The following SEMA5A variants were observed in gnomAD, a reference collection of about 807,000 sequenced individuals.
SEMA5A encodes the protein semaphorin-5A.
A neutral mutation model predicts 135.5 loss-of-function variants in SEMA5A; 55 were observed. That is an observed-to-expected ratio of 0.41 (90% confidence interval 0.33 to 0.51). The LOEUF is 0.51. Ranked by LOEUF, SEMA5A falls within the 20% of genes least tolerant of loss-of-function variation. SEMA5A has a pLI of 0.37. For missense variants in SEMA5A, 1,290 were observed against 1,419.9 expected (o/e 0.91, Z 1.47); for synonymous variants, 580 against 546.5 (o/e 1.06, Z -0.85).
chr5:9,368,998 A>C (rs1237910895), intron 3 of SEMA5A, among the ~76,000 whole-genome samples: 1 of 152,206 alleles, frequency 6.6e-6, no homozygotes. Context: ...ATCATTATGC[A>C]TCATCATCCT....
At chr5:9,404,375 T>C (rs913999053) in intron 2 of SEMA5A, among the ~76,000 whole-genome samples, 42 of 152,322 alleles carry the variant, frequency 2.8e-4, no homozygotes, top group Middle Eastern at 3.4e-3. Context: ...TAAGAAGACA[T>C]CAATGATTTT....
At chr5:9,093,939 C>T (rs1258509705) in intron 16 of SEMA5A, among the ~76,000 whole-genome samples, 4 of 152,186 alleles carry the variant, frequency 2.6e-5, no homozygotes, top group Non-Finnish European at 1.5e-5. Flanking sequence ...TTGGCCGAGT[C>T]CTGCCCACAC....
chr5:9,335,922 G>C (rs1209079684), intron 4 of SEMA5A, among the ~76,000 whole-genome samples: 1 of 152,112 alleles, frequency 6.6e-6, no homozygotes, highest in African/African-American at 2.4e-5. Context: ...CACTTCCCTT[G>C]CCTTCTGGTA....
At chr5:9,223,709 A>T (rs1747134830) in intron 8 of SEMA5A, among the ~76,000 whole-genome samples, 3 of 152,244 alleles carry the variant, frequency 2.0e-5, no homozygotes, top group Non-Finnish European at 4.4e-5. Context: ...TGCTTGGGGC[A>T]ATGGATTACA....
chr5:9,273,863 C>CA (rs1307686235), intron 5 of SEMA5A, among the ~76,000 whole-genome samples: 2 of 152,214 alleles, frequency 1.3e-5, no homozygotes, highest in Admixed American at 1.3e-4. Flanking sequence ...AAGGAACAAC[C>CA]AGTACCAGCC....
At chr5:9,289,453 C>A (rs1229999507) in intron 5 of SEMA5A, among the ~76,000 whole-genome samples, 1 of 152,020 alleles carries the variant, frequency 6.6e-6, no homozygotes, top group Non-Finnish European at 1.5e-5. Flanking sequence ...ATCGCGAGGT[C>A]AGGAGATTGA....
At chr5:9,200,620 G>T (rs534526658) in intron 9 of SEMA5A, among the ~76,000 whole-genome samples, 159 of 152,338 alleles carry the variant, frequency 1.0e-3, no homozygotes, top group African/African-American at 3.7e-3. Context: ...CCACGGTGGA[G>T]CAAGGATATG....
At chr5:9,396,246 G>GCACACACACACACACACACA (rs147262677) in intron 2 of SEMA5A, among the ~76,000 whole-genome samples, 150 of 148,952 alleles carry the variant, frequency 1.0e-3, no homozygotes, top group Middle Eastern at 3.4e-3. Context: ...GCGCGTGCGT[G>GCACACACACACACACACACA]CACACACACA....
At chr5:9,400,023 C>A (rs1333311532) in intron 2 of SEMA5A, among the ~76,000 whole-genome samples, 1 of 152,186 alleles carries the variant, frequency 6.6e-6, no homozygotes, top group Non-Finnish European at 1.5e-5. Context: ...ATCTATGAAG[C>A]TGTGAACCAT....
chr5:9,515,343 C>T (rs959841729), intron 1 of SEMA5A, among the ~76,000 whole-genome samples: 5 of 152,154 alleles, frequency 3.3e-5, no homozygotes, highest in Admixed American at 6.5e-5. Flanking sequence ...ACTGTAAGTC[C>T]AACCATCTGA....
rs1262553633 is a variant in SEMA5A at position 9,044,474 on chromosome 5, C to T, written c.3004G>A (p.Asp1002Asn). ...GAGACGGGGTGGATGACAGTCGCAT[C>T]GTGGGATTGCTGCTGGTACCGCTGG... ...YCQRYQQQSH[D>N]ATVIHPVSPA... is the part of the protein sequence containing the mutation. Residue 1002 changes from aspartate to asparagine, a missense_variant, in exon 22 of 23, where the codon GAT (aspartate) becomes AAT (asparagine). Asp to Asn is a conservative substitution (Grantham distance 23). Transcript: ENST00000382496. 9 of 1,613,874 alleles carry T rather than the reference C, an allele frequency of 5.6e-6. No homozygotes were observed. Among genetic ancestry groups the T allele is most frequent in the South Asian group, 3.3e-5 (3 of 91,046 alleles).
chr5:9,425,317 G>A (rs753808184), intron 2 of SEMA5A, among the ~76,000 whole-genome samples: 2 of 152,214 alleles, frequency 1.3e-5, no homozygotes, highest in Non-Finnish European at 2.9e-5. Context: ...GAGCCTATCT[G>A]TCTTGCTTAC....
chr5:9,537,986 G>A (rs868218161), intron 1 of SEMA5A, among the ~76,000 whole-genome samples: 2 of 152,104 alleles, frequency 1.3e-5, no homozygotes, highest in Non-Finnish European at 2.9e-5. Flanking sequence ...GAAACCAACT[G>A]GTGTGAGGAA....
intron 5 of SEMA5A, among the ~76,000 whole-genome samples, chr5:9,306,444 TCC>T (rs886105769): frequency 3.5e-5 from 4 of 114,990 alleles, no homozygotes; most frequent in African/African-American, 1.0e-4. Context: ...TTCATATAGT[TCC>T]ATATGTCAGA....
At chr5:9,414,885 T>C (rs115895791) in intron 2 of SEMA5A, among the ~76,000 whole-genome samples, 4,292 of 152,290 alleles carry the variant, frequency 0.028, 89 homozygotes, top group Middle Eastern at 0.072. Context: ...AGATGACTGA[T>C]TGAAACAACA....
At chr5:9,186,675 T>A (rs1744826836) in intron 11 of SEMA5A, among the ~76,000 whole-genome samples, 2 of 152,250 alleles carry the variant, frequency 1.3e-5, no homozygotes, top group Non-Finnish European at 2.9e-5. Context: ...GATTCTTTTT[T>A]AGATTTACCT....
At chr5:9,376,594 A>T (rs1320588734) in intron 3 of SEMA5A, among the ~76,000 whole-genome samples, 4 of 152,226 alleles carry the variant, frequency 2.6e-5, no homozygotes, top group Non-Finnish European at 5.9e-5. Context: ...CATTCCTAAA[A>T]ATAGTCTAAA....
chr5:9,160,841 A>G (rs1743212943), intron 11 of SEMA5A, among the ~76,000 whole-genome samples: 1 of 152,242 alleles, frequency 6.6e-6, no homozygotes, highest in Non-Finnish European at 1.5e-5. Flanking sequence ...TTACAAAGGT[A>G]AAGTTTGCAC....
In SEMA5A at chr5:9,108,290, G is replaced by A. The variant is rs777949899; in HGVS notation, c.1926-3C>T. 1.9e-6 allele frequency: 3 copies of A among 1,613,728 alleles called. No individual in the cohort carries two copies. Among genetic ancestry groups the A allele is most frequent in the Non-Finnish European group, 1.7e-6 (2 of 1,179,848 alleles). On this transcript the variant is annotated splice_polypyrimidine_tract_variant and splice_region_variant and intron_variant, in intron 15 of 22. Transcript: ENST00000382496. ...ATAGCAAATGTTCATTGCAGTATCT[G>A]TAATGAGGAAACCAAAATGACAAGG...
Sources: allele counts gnomAD v4.1 joint callset (sites outside exome capture counted in the v4.1 genomes callset), GRCh38; gene constraint gnomAD v4.1.1; transcripts MANE v1.5; gene names NCBI Gene and HGNC (gene_info 2026-07-23, HGNC 2026-07-21).